Variants in CCDC57 observed in about 807,000 individuals in gnomAD.
CCDC57 encodes coiled-coil domain-containing protein 57.
A neutral mutation model predicts 118.9 loss-of-function variants in CCDC57; 118 were observed. That is an observed-to-expected ratio of 0.99 (90% confidence interval 0.86 to 1.16). The LOEUF (loss-of-function observed/expected upper bound fraction) is 1.16. Ranked by LOEUF, CCDC57 falls within the 50% of genes most tolerant of loss-of-function variation. The pLI is 0.00. For missense variants in CCDC57, 1,300 were observed against 1,320.7 expected, an observed-to-expected ratio of 0.98 and a Z score of 0.24; for synonymous variants, 527 against 532.9, an observed-to-expected ratio of 0.99 and a Z score of 0.15.
At chr17:82,178,732 G>A (rs552023306) in intron 10 of CCDC57, 127 bp from the exon 10 acceptor site, 29 of 1,368,798 alleles carry the variant, frequency 2.1e-5, no homozygotes, top group African/African-American at 7.2e-5. Flanking sequence ...TGGCCAGGCC[G>A]CCAAACCCTT....
chr17:82,151,292 T>C (rs954596329), intron 16 of CCDC57, among the ~76,000 whole-genome samples: 1,080 of 13,530 alleles, frequency 0.08, no homozygotes, highest in Middle Eastern at 0.091. Context: ...ACCAGGCGCA[T>C]ACCCAGAACC....
chr17:82,108,132 C>T (rs1208058914), intron 19 of CCDC57, among the ~76,000 whole-genome samples: 1 of 152,258 alleles, frequency 6.6e-6, no homozygotes, highest in Non-Finnish European at 1.5e-5. Flanking sequence ...AGGCCACAGG[C>T]CACTGTCCCC....
chr17:82,107,779 TGGGACTCTG>T (rs1232522761), intron 19 of CCDC57, among the ~76,000 whole-genome samples: 2 of 152,294 alleles, frequency 1.3e-5, no homozygotes, highest in East Asian at 3.9e-4. Flanking sequence ...CCACCTGAGA[TGGGACTCTG>T]GGAGGGAACA....
chr17:82,212,584 G>C lies in CCDC57; in HGVS notation c.-211+201C>G, dbSNP rs925414702. Reference sequence around the variant, plus strand: ...CCCGCTCCACGCGGCCGCAACCCCCGCCCCGCCCCGCCGCAGCCTCCGCGA... The same window carrying C: ...CCCGCTCCACGCGGCCGCAACCCCCCCCCCGCCCCGCCGCAGCCTCCGCGA... On this transcript the variant is annotated intron_variant, in intron 1 of 19. Coordinates refer to ENST00000665763, the Ensembl canonical transcript of CCDC57. The surrounding 1 kb of genome is among the most constrained non-coding windows in gnomAD (Gnocchi z 4.1). Among the ~76,000 whole-genome samples the C allele has an allele frequency of 1.3e-5, 2 of 151,682 alleles. No homozygotes were observed. The highest frequency in any genetic ancestry group is 2.9e-5 in the Non-Finnish European group (2 of 67,852).
At chr17:82,178,962 G>A (rs577456162) in intron 10 of CCDC57, 65 bp downstream of exon 9, 7 of 1,545,226 alleles carry the variant, frequency 4.5e-6, no homozygotes, top group Middle Eastern at 1.7e-4. Flanking sequence ...AACCAGACCC[G>A]TCCTGCCCAG....
intron 15 of CCDC57, chr17:82,155,379 T>C (rs1164164502): frequency 2.6e-5 from 4 of 152,286 alleles, no homozygotes; most frequent in Non-Finnish European, 4.4e-5. Flanking sequence ...CCTGGACCCA[T>C]GATTTCCTGG....
intron 1 of CCDC57, among the ~76,000 whole-genome samples, chr17:82,210,811 T>A (rs1423146286): frequency 6.6e-6 from 1 of 150,778 alleles, no homozygotes; most frequent in Non-Finnish European, 1.5e-5. Context: ...CTGGCCAACA[T>A]GACGAAACCT....
At chr17:82,157,665 A>T in intron 15 of CCDC57, 83 bp downstream of exon 14, 1 of 1,495,876 alleles carries the variant, frequency 6.7e-7, no homozygotes, top group East Asian at 2.5e-5. Flanking sequence ...GCATACAGAC[A>T]GCAACGCTGG....
chr17:82,184,529 C>T (rs1286380395), intron 8 of CCDC57, among the ~76,000 whole-genome samples: 1 of 152,214 alleles, frequency 6.6e-6, no homozygotes, highest in African/African-American at 2.4e-5. Flanking sequence ...CTCAGGTAGC[C>T]ACAGTACTAA....
intron 9 of CCDC57, 37 bp from the exon 9 acceptor site, chr17:82,179,226 CT>C (rs759498450): frequency 3.2e-6 from 5 of 1,586,264 alleles, no homozygotes; most frequent in Non-Finnish European, 4.3e-6. Flanking sequence ...TTAATGCTTC[CT>C]GAGGTCCCTT....
chr17:82,171,923 C>A, intron 12 of CCDC57, 70 bp from the exon 12 acceptor site: 1 of 1,533,402 alleles, frequency 6.5e-7, no homozygotes. Context: ...CTGTGAGCAC[C>A]AGCTCAGGGA....
chr17:82,194,172 T>G, intron 5 of CCDC57, 33 bp from the exon 5 acceptor site: 3 of 1,595,862 alleles, frequency 1.9e-6, no homozygotes, highest in Non-Finnish European at 2.6e-6. Flanking sequence ...CAAAATGAGG[T>G]GATAATTAGA....
intron 9 of CCDC57, among the ~76,000 whole-genome samples, chr17:82,182,437 T>G (rs1486940987): frequency 6.6e-6 from 1 of 151,726 alleles, no homozygotes; most frequent in Non-Finnish European, 1.5e-5. Context: ...CACTGCAGCC[T>G]CCGCCTCCTG....
At chr17:82,158,014 C>G in intron 14 of CCDC57, 66 bp from the exon 14 acceptor site, 2 of 1,504,642 alleles carry the variant, frequency 1.3e-6, no homozygotes, top group Admixed American at 4.3e-5. Flanking sequence ...GGCCCCTGGG[C>G]ACTGACAGGA....
intron 13 of CCDC57, among the ~76,000 whole-genome samples, chr17:82,164,111 C>T (rs1014754410): frequency 1.3e-5 from 2 of 152,130 alleles, no homozygotes; most frequent in Non-Finnish European, 2.9e-5. Context: ...CACGGTGGCT[C>T]ACGCCTGTAA....
At chr17:82,195,181 G>A in intron 5 of CCDC57, 82 bp downstream of exon 4, 1 of 1,009,518 alleles carries the variant, frequency 9.9e-7, no homozygotes, top group Non-Finnish European at 1.5e-6. Context: ...CTCCCAAAGT[G>A]CTGAGATGAC....
exon 9 of CCDC57, chr17:82,183,804 T>A: frequency 6.3e-7 from 1 of 1,585,558 alleles, no homozygotes; most frequent in Non-Finnish European, 8.6e-7. Flanking sequence ...TCGGGCCACC[T>A]GTGCCTTGAG....
chr17:82,195,642 A>G (rs768644026), intron 4 of CCDC57, among the ~76,000 whole-genome samples: 7 of 152,124 alleles, frequency 4.6e-5, no homozygotes, highest in Admixed American at 6.5e-5. Flanking sequence ...AGAAAAAGAA[A>G]AATCCTTATC....
intron 7 of CCDC57, among the ~76,000 whole-genome samples, chr17:82,193,061 G>A (rs960748507): frequency 1.3e-5 from 2 of 152,060 alleles, no homozygotes; most frequent in African/African-American, 4.8e-5. Flanking sequence ...TTTGTGTTTT[G>A]TTTTGTTTTG....
Sources: allele counts gnomAD v4.1 joint callset (sites outside exome capture counted in the v4.1 genomes callset), GRCh38; gene constraint gnomAD v4.1.1; non-coding constraint Gnocchi (gnomAD v3.1); transcripts MANE v1.5; gene names NCBI Gene and HGNC (gene_info 2026-07-23, HGNC 2026-07-21).